The following MGMT variants were observed in gnomAD, a reference collection of about 807,000 sequenced individuals.
The protein encoded by MGMT is methylated-DNA--protein-cysteine methyltransferase.
MGMT carries 14 observed loss-of-function variants against 15.9 expected under a neutral mutation model. The observed-to-expected ratio is 0.88, with a 90% CI of 0.58 to 1.37. The LOEUF is 1.37. MGMT is among the 40% of genes most tolerant of loss of function. The pLI is 0.00. For missense variants in MGMT, 282 were observed against 268.1 expected (o/e 1.05, Z -0.36); for synonymous variants, 130 against 118.2 (o/e 1.10, Z -0.65).
At chr10:129,495,621 A>T (rs561165313) in intron 1 of MGMT, among the ~76,000 whole-genome samples, 1 of 152,350 alleles carries the variant, frequency 6.6e-6, no homozygotes, top group South Asian at 2.1e-4. Flanking sequence ...AAAATTCTGC[A>T]GCCGTTTTGT....
intron 1 of MGMT, among the ~76,000 whole-genome samples, chr10:129,491,508 C>G (rs1845468803): frequency 6.6e-6 from 1 of 152,028 alleles, no homozygotes; most frequent in Non-Finnish European, 1.5e-5. Context: ...AATTCTTGAC[C>G]CTGATCCCTT....
rs7094495 is a variant in MGMT, at chr10:129,770,482, G to C, written c.*3485G>C. Among the ~76,000 whole-genome samples, 58,335 of 152,128 alleles carry C rather than the reference G, an allele frequency of 0.38. 11,557 individuals are homozygous for C. The highest frequency in any genetic ancestry group is 0.45 in the Admixed American group (6,899 of 15,286). ...AGCCCTGGGGGCCACGTCCCCTCCC[G>C]GTCTCATCTGCCGCTTGCTCACCTT... On this transcript the variant is annotated 3_prime_UTR_variant, in exon 5 of 5. Coordinates refer to ENST00000651593, the MANE Select transcript of MGMT (RefSeq NM_002412.5).
In MGMT at chr10:129,529,187, G is replaced by A. The variant is rs900720773; in HGVS notation, c.-12-7054G>A. ...AGGGGCAGTGGCAGGGGGAGCGGGG[G>A]CGTGGGTGCGATGGGGTCATGGGGG... On this transcript the variant is annotated intron_variant, in intron 1 of 4. Coordinates refer to ENST00000651593, the MANE Select transcript of MGMT (RefSeq NM_002412.5). Among the ~76,000 whole-genome samples the A allele has an allele frequency of 5.3e-5, 8 of 151,934 alleles. No homozygotes were observed. In the South Asian group the frequency reaches 6.3e-4, roughly 12 times the overall value.
chr10:129,582,956 C>T lies in MGMT; in HGVS notation c.125+46579C>T, dbSNP rs1371955942. On this transcript the variant is annotated intron_variant, in intron 2 of 4. Transcript: ENST00000651593. ...ATCATGGTTTTGAGAGATGCTTGCA[C>T]TGAATCACTTGATATACCTAAATAT... Among the ~76,000 whole-genome samples the T allele has an allele frequency of 2.6e-5, 4 of 152,186 alleles. No individual in the cohort carries two copies. In the East Asian group the frequency reaches 7.7e-4, roughly 29 times the overall value.
chr10:129,600,743 C>T (rs1846811834), intron 2 of MGMT, among the ~76,000 whole-genome samples: 1 of 152,192 alleles, frequency 6.6e-6, no homozygotes, highest in South Asian at 2.1e-4. Context: ...TTGGCTATGA[C>T]CTGCCGAGGT....
intron 3 of MGMT, among the ~76,000 whole-genome samples, chr10:129,725,955 A>G (rs901376691): frequency 6.6e-6 from 1 of 152,122 alleles, no homozygotes; most frequent in Non-Finnish European, 1.5e-5. Context: ...ACTTCCCTTC[A>G]TCTTCCACCA....
intron 1 of MGMT, among the ~76,000 whole-genome samples, chr10:129,484,821 GC>G (rs1260607220): frequency 3.3e-5 from 5 of 152,022 alleles, no homozygotes; most frequent in African/African-American, 1.2e-4. Context: ...TTTTGTTAGG[GC>G]AGGTCCAGAC....
intron 3 of MGMT, among the ~76,000 whole-genome samples, chr10:129,742,757 T>C (rs1197020712): frequency 1.3e-5 from 2 of 149,456 alleles, no homozygotes; most frequent in Non-Finnish European, 3.0e-5. Flanking sequence ...CAGAGCCAGG[T>C]CATCAGGGCC....
At position 129,758,130 on chromosome 10, in the gene MGMT, C is replaced by T. The variant is rs1848827959; in HGVS notation, c.275-1072C>T. 2.0e-5 allele frequency among the ~76,000 whole-genome samples: 3 copies of T among 152,170 alleles called. No individual in the cohort carries two copies. In the South Asian group the frequency reaches 6.2e-4, roughly 32 times the overall value. ...TAATAAAGACTAAACAGATTTTTTTCCCAGTGAAGTGATTATCGTTCCCTT... is the reference window on the plus strand; with the variant it reads ...TAATAAAGACTAAACAGATTTTTTTTCCAGTGAAGTGATTATCGTTCCCTT... On this transcript the variant is annotated intron_variant, in intron 3 of 4. Coordinates refer to ENST00000651593, the MANE Select transcript of MGMT (RefSeq NM_002412.5).
chr10:129,661,392 ACT>A (rs1423743954), intron 2 of MGMT, among the ~76,000 whole-genome samples: 1 of 152,014 alleles, frequency 6.6e-6, no homozygotes, highest in Admixed American at 6.5e-5. Context: ...ACCAACTCAT[ACT>A]CTCAGCAGTA....
intron 3 of MGMT, among the ~76,000 whole-genome samples, chr10:129,742,546 G>A (rs1402863853): frequency 2.7e-5 from 4 of 147,836 alleles, no homozygotes; most frequent in Admixed American, 6.7e-5. Context: ...CCCCACGGCT[G>A]CAGCGGCCCA....
intron 1 of MGMT, among the ~76,000 whole-genome samples, chr10:129,524,826 G>A (rs1486906079): frequency 6.6e-6 from 1 of 151,928 alleles, no homozygotes; most frequent in Non-Finnish European, 1.5e-5. Context: ...TCCTGACCTC[G>A]TGATCCACAC....
chr10:129,508,639 G>A (rs1027826929), intron 1 of MGMT, among the ~76,000 whole-genome samples: 9 of 151,322 alleles, frequency 5.9e-5, no homozygotes, highest in African/African-American at 1.5e-4. Flanking sequence ...TCTGCCTCCC[G>A]GGTTCAAGTG....
At chr10:129,748,738 C>T (rs1017803119) in intron 3 of MGMT, among the ~76,000 whole-genome samples, 1 of 152,124 alleles carries the variant, frequency 6.6e-6, no homozygotes, top group Non-Finnish European at 1.5e-5. Flanking sequence ...AACATTAGTT[C>T]CTATTGATAT....
chr10:129,508,734 C>T (rs922136996), intron 1 of MGMT, among the ~76,000 whole-genome samples: 9 of 151,922 alleles, frequency 5.9e-5, no homozygotes, highest in East Asian at 1.9e-4. Flanking sequence ...TTAGTAGAGA[C>T]GGGGTTTTCA....
intron 1 of MGMT, among the ~76,000 whole-genome samples, chr10:129,509,342 A>T (rs1033390854): frequency 1.3e-5 from 2 of 151,946 alleles, no homozygotes; most frequent in Non-Finnish European, 2.9e-5. Context: ...GACATGCAGG[A>T]TTGCACCTTC....
At chr10:129,548,294 A>G (rs187977005) in intron 2 of MGMT, among the ~76,000 whole-genome samples, 41 of 152,182 alleles carry the variant, frequency 2.7e-4, no homozygotes, top group African/African-American at 9.9e-4. Context: ...CTTGCCACTA[A>G]AAATATATGC....
intron 1 of MGMT, among the ~76,000 whole-genome samples, chr10:129,535,633 A>C (rs922543310): frequency 1.8e-4 from 27 of 152,194 alleles, no homozygotes; most frequent in African/African-American, 6.0e-4. Context: ...GATTACAGGC[A>C]TGAGCCACTG....
In MGMT at chr10:129,536,276, A is replaced by G; in HGVS notation, c.24A>G (p.Lys8=). The part of the protein sequence containing the change: MDKDCEM[K]RTTLDSPLGK... ...AAATGGACAAGGATTGTGAAATGAA[A>G]CGCACCACACTGGACAGCCCTTTGG... The change falls in exon 2 of 5, where the codon AAA becomes AAG. Residue 8 remains lysine (K), a synonymous_variant. Transcript: ENST00000651593. The G allele has an allele frequency of 6.2e-7, 1 of 1,613,956 alleles. No homozygotes were observed.
Sources: allele counts gnomAD v4.1 joint callset (sites outside exome capture counted in the v4.1 genomes callset), GRCh38; gene constraint gnomAD v4.1.1; transcripts MANE v1.5; gene names NCBI Gene and HGNC (gene_info 2026-07-23, HGNC 2026-07-21).